The following CFAP52 variants were observed in gnomAD, a reference collection of about 807,000 sequenced individuals.
The protein encoded by CFAP52 is cilia and flagella associated protein 52.
A neutral mutation model predicts 70.5 loss-of-function variants in CFAP52; 57 were observed. The observed-to-expected ratio is 0.81, with a 90% CI of 0.65 to 1.01. The LOEUF (loss-of-function observed/expected upper bound fraction) is 1.01, where lower values mean the gene tolerates loss of function less well. Among genes scored for constraint, CFAP52 ranks in the 50% least tolerant of loss-of-function variants. CFAP52 has a pLI of 0.00. For synonymous variants in CFAP52, 267 were observed against 292.5 expected (o/e 0.91, Z 0.89); for missense variants, 785 against 788.5 (o/e 1.00, Z 0.05).
Position 9,600,192 on chromosome 17 carries a change from A to G in CFAP52, c.753+9A>G. On this transcript the variant is annotated intron_variant, in intron 6 of 13. Coordinates refer to ENST00000352665, the MANE Select transcript of CFAP52 (RefSeq NM_145054.5). ...AGGACAAATTCAGTTTGGTGAGTAG[A>G]GACCATCGCCACTGCCCTGCCATTT... The G allele has an allele frequency of 6.2e-7, 1 of 1,610,400 alleles. No individual in the cohort carries two copies. The highest frequency in any genetic ancestry group is 8.5e-7 in the Non-Finnish European group (1 of 1,176,728).
intron 4 of CFAP52, among the ~76,000 whole-genome samples, chr17:9,596,059 G>GTATGTATATA (rs1555541608): frequency 5.9e-5 from 5 of 85,210 alleles, no homozygotes; most frequent in South Asian, 4.5e-4. Context: ...ATATGTGTGT[G>GTATGTATATA]TATATATATA....
In CFAP52 at chr17:9,586,744, G is replaced by C; in HGVS notation, c.317G>C (p.Arg106Pro). The C allele has an allele frequency of 6.2e-7, 1 of 1,613,732 alleles. No individual in the cohort carries two copies. The change falls in exon 3 of 14, where the codon CGG (arginine) becomes CCG (proline). Residue 106 changes from arginine to proline, a missense_variant. Arg to Pro is a moderately radical substitution (Grantham distance 103). Coordinates refer to ENST00000352665, the MANE Select transcript of CFAP52 (RefSeq NM_145054.5). ...TATAAGAACAGAGAGCTGCTTGCTC[G>C]GCTGTCCCTTCACAAAGGCAAAATT... is the stretch of plus-strand genomic sequence containing the variant. The part of the protein sequence containing the change: ...WDYKNRELLA[R>P]LSLHKGKIEA...
chr17:9,643,216 T>C lies in CFAP52; in HGVS notation c.*18T>C. ...CCTCCTGAAGCTGATGAGATGTCTCTGAGCCTTGGCGTTGCACGCAGTCCT... is the reference window on the plus strand; with the variant it reads ...CCTCCTGAAGCTGATGAGATGTCTCCGAGCCTTGGCGTTGCACGCAGTCCT... On this transcript the variant is annotated 3_prime_UTR_variant, in exon 14 of 14. Transcript: ENST00000352665. The C allele has an allele frequency of 6.3e-7, 1 of 1,584,496 alleles. No homozygotes were observed. Among genetic ancestry groups the C allele is most frequent in the Non-Finnish European group, 8.6e-7 (1 of 1,163,496 alleles).
At chr17:9,588,473 C>A (rs547684733) in intron 3 of CFAP52, among the ~76,000 whole-genome samples, 1 of 152,280 alleles carries the variant, frequency 6.6e-6, no homozygotes, top group South Asian at 2.1e-4. Context: ...GGAGGCAGGG[C>A]AGACAGTGTG....
chr17:9,640,104 T>A (rs1460691731), intron 12 of CFAP52, among the ~76,000 whole-genome samples: 1 of 152,096 alleles, frequency 6.6e-6, no homozygotes, highest in Non-Finnish European at 1.5e-5. Context: ...TCTAGCTAGA[T>A]TCAGAGGAAT....
chr17:9,608,282 A>G, intron 7 of CFAP52, 63 bp downstream of exon 7: 1 of 1,325,796 alleles, frequency 7.5e-7, no homozygotes, highest in African/African-American at 1.5e-5. Flanking sequence ...ATTTGCTTAA[A>G]GCCAGCAACT....
chr17:9,634,800 C>T (rs1427893833), intron 10 of CFAP52, among the ~76,000 whole-genome samples: 1 of 152,082 alleles, frequency 6.6e-6, no homozygotes, highest in Non-Finnish European at 1.5e-5. Context: ...TAAACAACTT[C>T]CCTTTTATCT....
intron 9 of CFAP52, among the ~76,000 whole-genome samples, chr17:9,632,027 C>T (rs1910565870): frequency 6.6e-6 from 1 of 151,708 alleles, no homozygotes; most frequent in Non-Finnish European, 1.5e-5. Flanking sequence ...CCTGCCTTGG[C>T]CTCCCAAAGC....
Position 9,576,645 on chromosome 17 carries a change from A to T in CFAP52, c.-51A>T. 3 of 1,534,202 alleles carry T rather than the reference A, an allele frequency of 2.0e-6. No individual in the cohort carries two copies. The highest frequency in any genetic ancestry group is 2.7e-6 in the Non-Finnish European group (3 of 1,126,866). The stretch of plus-strand genomic sequence containing the variant: ...CTCGTCCGTTACCATAACGACCAGA[A>T]GACGCTGCAGCCACTAGGGAGGAGA... On this transcript the variant is annotated 5_prime_UTR_variant, in exon 1 of 14. In the 5' UTR this introduces an upstream ATG that the reference lacks. Transcript: ENST00000352665.
intron 12 of CFAP52, among the ~76,000 whole-genome samples, chr17:9,640,394 C>T (rs1910998174): frequency 6.6e-6 from 1 of 151,564 alleles, no homozygotes. Context: ...CTTCCTCCCC[C>T]CACCCACCAC....
chr17:9,596,433 T>C (rs1374488167), intron 4 of CFAP52, among the ~76,000 whole-genome samples: 3 of 152,064 alleles, frequency 2.0e-5, no homozygotes, highest in Non-Finnish European at 4.4e-5. Flanking sequence ...ATTAATCTTT[T>C]CTGCCTTAAA....
At chr17:9,616,149 G>A (rs1007645412) in intron 8 of CFAP52, among the ~76,000 whole-genome samples, 1 of 142,054 alleles carries the variant, frequency 7.0e-6, no homozygotes, top group African/African-American at 3.1e-5. Flanking sequence ...CGCGCACCGT[G>A]CGCGAGCCGA....
Position 9,612,485 on chromosome 17 carries a change from T to C in CFAP52, c.1025+6T>C. 6.2e-7 allele frequency: 1 copy of C among 1,610,724 alleles called. No homozygotes were observed. Among genetic ancestry groups the C allele is most frequent in the Non-Finnish European group, 8.5e-7 (1 of 1,177,904 alleles). ...GAGGATATTGTCTTTCCATTGTGAG[T>C]AGAAGAGAAAAACAAGAATGTGGAG... On this transcript the variant is annotated splice_donor_region_variant and intron_variant, in intron 8 of 13. Transcript: ENST00000352665.
intron 3 of CFAP52, among the ~76,000 whole-genome samples, chr17:9,588,259 T>A (rs1908585998): frequency 2.0e-5 from 3 of 152,172 alleles, no homozygotes; most frequent in Admixed American, 1.3e-4. Flanking sequence ...AAGGGATAAT[T>A]GCCCTGTGGA....
chr17:9,584,049 T>C (rs1908337707), intron 1 of CFAP52: 2 of 267,092 alleles, frequency 7.5e-6, no homozygotes, highest in South Asian at 8.0e-5. Context: ...TTGTGAAACA[T>C]GTGCAGTCTC....
chr17:9,636,173 TC>T (rs373773741), intron 11 of CFAP52, among the ~76,000 whole-genome samples: 976 of 88,004 alleles, frequency 0.011, 7 homozygotes, highest in Middle Eastern at 0.068. Flanking sequence ...AAACTCTGTC[TC>T]AAAAAAAAGA....
intron 5 of CFAP52, 148 bp from the exon 6 acceptor site, chr17:9,599,919 T>C: frequency 1.7e-6 from 1 of 595,212 alleles, no homozygotes; most frequent in Non-Finnish European, 3.0e-6. Flanking sequence ...TTTTGTATTT[T>C]CAGTAGAGAC....
At chr17:9,624,605 T>G (rs1456777581) in intron 8 of CFAP52, among the ~76,000 whole-genome samples, 1 of 152,182 alleles carries the variant, frequency 6.6e-6, no homozygotes, top group Non-Finnish European at 1.5e-5. Context: ...TCCTTTAATA[T>G]TTTGAATGTA....
At chr17:9,594,893 G>GTTTTTT (rs11378454) in intron 4 of CFAP52, among the ~76,000 whole-genome samples, 1 of 130,768 alleles carries the variant, frequency 7.6e-6, no homozygotes, top group African/African-American at 2.9e-5. Context: ...ATTAGGGAGG[G>GTTTTTT]TTTTTTTTTT....
Sources: gnomAD v4.1 joint callset for allele counts (sites outside exome capture counted in the v4.1 genomes callset) on GRCh38, gnomAD v4.1.1 for gene constraint, MANE v1.5 for transcripts, NCBI Gene and HGNC (gene_info 2026-07-23, HGNC 2026-07-21) for gene names.